BFSP2: variants seen among roughly 807,000 people sequenced by gnomAD.
BFSP2 encodes beaded filament structural protein 2.
BFSP2 carries 38 observed loss-of-function variants against 44.9 expected under a neutral mutation model. The observed-to-expected ratio is 0.85, with a 90% confidence interval of 0.65 to 1.11. The LOEUF (loss-of-function observed/expected upper bound fraction) is 1.11. Ranked by LOEUF, BFSP2 falls within the 50% of genes least tolerant of loss-of-function variation. The pLI is 0.00. For synonymous variants in BFSP2, 197 were observed against 209.9 expected, an observed-to-expected ratio of 0.94 and a Z score of 0.53; for missense variants, 525 against 533.0, an observed-to-expected ratio of 0.99 and a Z score of 0.15.
chr3:133,454,948 G>A (rs1307297250), intron 4 of BFSP2, among the ~76,000 whole-genome samples: 1 of 151,788 alleles, frequency 6.6e-6, no homozygotes, highest in East Asian at 1.9e-4. Flanking sequence ...CATTAGCCTA[G>A]GCCTACACAG....
At chr3:133,448,950 A>T in intron 3 of BFSP2, 1 of 369,018 alleles carries the variant, frequency 2.7e-6, no homozygotes, top group Non-Finnish European at 5.1e-6. Flanking sequence ...TCCTCAATGC[A>T]TTCTATGTCA....
At chr3:133,440,055 C>T (rs926569754) in intron 1 of BFSP2, among the ~76,000 whole-genome samples, 22 of 152,266 alleles carry the variant, frequency 1.4e-4, no homozygotes, top group South Asian at 2.1e-4. Flanking sequence ...CAGTTCCCCA[C>T]GGCTGGGGAG....
chr3:133,472,871 A>G lies in BFSP2; in HGVS notation c.1244+306A>G, dbSNP rs183517001. ...ACATAATAGCTGTTAGGAATGTTTCAGTTGCTTGTAATAGAACCTAATTAA... is the reference window on the plus strand; with the variant it reads ...ACATAATAGCTGTTAGGAATGTTTCGGTTGCTTGTAATAGAACCTAATTAA... On this transcript the variant is annotated intron_variant, in intron 6 of 6. Transcript: ENST00000302334. Among the ~76,000 whole-genome samples the G allele has an allele frequency of 6.5e-4, 99 of 152,256 alleles. 4 individuals carry two copies. In the East Asian group the frequency reaches 0.015, roughly 23 times the overall value.
chr3:133,417,629 C>T (rs558310156), intron 1 of BFSP2, among the ~76,000 whole-genome samples: 3 of 141,656 alleles, frequency 2.1e-5, no homozygotes, highest in East Asian at 2.2e-4. Context: ...TGCCATTTCC[C>T]GTCTACTCAC....
At chr3:133,404,424 C>T (rs2073386870) in intron 1 of BFSP2, among the ~76,000 whole-genome samples, 1 of 152,146 alleles carries the variant, frequency 6.6e-6, no homozygotes, top group Admixed American at 6.5e-5. Flanking sequence ...CACCCCCAAC[C>T]CAGGTACCTA....
intron 1 of BFSP2, among the ~76,000 whole-genome samples, chr3:133,409,227 G>GGT (rs56156448): frequency 0.4 from 59,888 of 148,380 alleles, 11,853 homozygotes; most frequent in Middle Eastern, 0.46. Context: ...TTCTGACACT[G>GGT]GTGTGTGTGT....
At chr3:133,470,927 C>T (rs1435015095) in intron 5 of BFSP2, among the ~76,000 whole-genome samples, 2 of 152,138 alleles carry the variant, frequency 1.3e-5, no homozygotes, top group African/African-American at 2.4e-5. Flanking sequence ...GGGCAGGTTA[C>T]CTCTAAGCTT....
intron 5 of BFSP2, among the ~76,000 whole-genome samples, chr3:133,468,394 G>A (rs1457866931): frequency 6.6e-6 from 1 of 152,186 alleles, no homozygotes; most frequent in Non-Finnish European, 1.5e-5. Context: ...AGTAGCTTAA[G>A]ACAACAGTGA....
intron 3 of BFSP2, chr3:133,448,966 T>C: frequency 2.9e-6 from 1 of 348,356 alleles, no homozygotes; most frequent in Non-Finnish European, 5.5e-6. Flanking sequence ...TGTCAGGTTT[T>C]TTTTTCAACA....
rs72982210 is a variant in BFSP2, at chr3:133,446,106, A to G, written c.490-1211A>G. Among the ~76,000 whole-genome samples the G allele has an allele frequency of 6.2e-3, 938 of 152,248 alleles. 8 individuals are homozygous for G. Among genetic ancestry groups the G allele is most frequent in the African/African-American group, 0.021 (876 of 41,550 alleles). On this transcript the variant is annotated intron_variant, in intron 1 of 6. Coordinates refer to ENST00000302334, the MANE Select transcript of BFSP2 (RefSeq NM_003571.4). ...CCCAGGCCAAGCTGGAACAGAAATGATTAGCTTTGCTAGTGGGGAATTCAA... is the reference window on the plus strand; with the variant it reads ...CCCAGGCCAAGCTGGAACAGAAATGGTTAGCTTTGCTAGTGGGGAATTCAA...
chr3:133,466,448 G>A (rs1177248472), intron 4 of BFSP2, among the ~76,000 whole-genome samples: 2 of 151,764 alleles, frequency 1.3e-5, no homozygotes, highest in Non-Finnish European at 2.9e-5. Flanking sequence ...GGGAGGCCAA[G>A]GCATGCGGAT....
At chr3:133,417,513 C>T (rs1196027684) in intron 1 of BFSP2, among the ~76,000 whole-genome samples, 1 of 88,128 alleles carries the variant, frequency 1.1e-5, no homozygotes, top group African/African-American at 7.2e-5. Context: ...CTACTCATCC[C>T]TTCCCTCGCT....
chr3:133,446,570 T>TTATATA (rs1168844039), intron 1 of BFSP2, among the ~76,000 whole-genome samples: 2 of 22,366 alleles, frequency 8.9e-5, no homozygotes, highest in Non-Finnish European at 1.5e-4. Context: ...AGCTCACCAT[T>TTATATA]TATATATATA....
chr3:133,411,106 A>C (rs2073447925), intron 1 of BFSP2, among the ~76,000 whole-genome samples: 1 of 152,018 alleles, frequency 6.6e-6, no homozygotes, highest in African/African-American at 2.4e-5. Context: ...ATGATCCATC[A>C]ATTTTTAAAA....
chr3:133,460,868 G>C (rs1224590363), intron 4 of BFSP2, among the ~76,000 whole-genome samples: 1 of 152,226 alleles, frequency 6.6e-6, no homozygotes, highest in East Asian at 1.9e-4. Flanking sequence ...TAAAGCAATT[G>C]ATCACCAGTT....
At position 133,400,543 on chromosome 3, in the gene BFSP2, C is replaced by G; in HGVS notation, c.460C>G (p.Arg154Gly). Residue 154 changes from arginine (R) to glycine (G), a missense_variant, in exon 1 of 7, where the codon CGG becomes GGG. Physicochemically the swap from Arg to Gly is moderately radical, Grantham distance 125. Transcript: ENST00000302334. This position sits in a 1 kb window ranked among gnomAD's most constrained non-coding sequence, Gnocchi z 4.0. Reference protein sequence around the residue: ...ATRSGNWGALRASWASSCQQV... With the variant: ...ATRSGNWGALGASWASSCQQV... ...ACGCTCGGGAAACTGGGGTGCCCTA[C>G]GGGCTTCCTGGGCCAGCAGCTGCCA... 6.2e-7 allele frequency: 1 copy of G among 1,611,586 alleles called. No individual in the cohort carries two copies. The highest frequency in any genetic ancestry group is 1.1e-5 in the South Asian group (1 of 90,774).
intron 4 of BFSP2, among the ~76,000 whole-genome samples, chr3:133,459,626 T>C (rs1186220295): frequency 6.6e-6 from 1 of 152,184 alleles, no homozygotes; most frequent in African/African-American, 2.4e-5. Context: ...GAAGTTTCAT[T>C]GAGTGAGGCG....
intron 1 of BFSP2, among the ~76,000 whole-genome samples, chr3:133,439,521 T>A (rs1475904264): frequency 6.6e-6 from 1 of 152,206 alleles, no homozygotes; most frequent in African/African-American, 2.4e-5. Flanking sequence ...GAGATTGATA[T>A]ACCACAGTGA....
chr3:133,419,977 C>T (rs1479524979), intron 1 of BFSP2, among the ~76,000 whole-genome samples: 1 of 152,224 alleles, frequency 6.6e-6, no homozygotes, highest in African/African-American at 2.4e-5. Flanking sequence ...GGGATTTCCA[C>T]AGACTGCTGG....
Sources: gnomAD v4.1 joint callset for allele counts (sites outside exome capture counted in the v4.1 genomes callset) on GRCh38, gnomAD v4.1.1 for gene constraint, Gnocchi (gnomAD v3.1) non-coding constraint, MANE v1.5 for transcripts, NCBI Gene and HGNC (gene_info 2026-07-23, HGNC 2026-07-21) for gene names.